The following CDRT4 variants were observed in gnomAD, a reference collection of about 807,000 sequenced individuals.
CDRT4 encodes CMT1A duplicated region transcript 4.
For missense variants in CDRT4, 167 were observed against 193.1 expected, an observed-to-expected ratio of 0.87 and a Z score of 0.80; for synonymous variants, 64 against 69.6, an observed-to-expected ratio of 0.92 and a Z score of 0.40.
intron 1 of CDRT4, among the ~76,000 whole-genome samples, chr17:15,461,800 A>C (rs1271047619): frequency 2.0e-5 from 3 of 152,228 alleles, no homozygotes; most frequent in African/African-American, 4.8e-5. Flanking sequence ...AAAAGGTATC[A>C]GTAGGTACTT....
intron 1 of CDRT4, among the ~76,000 whole-genome samples, chr17:15,461,916 C>G (rs1406246993): frequency 6.6e-6 from 1 of 152,120 alleles, no homozygotes; most frequent in African/African-American, 2.4e-5. Context: ...AGTATGTAGT[C>G]TTAAAAATTA....
intron 2 of CDRT4, among the ~76,000 whole-genome samples, chr17:15,446,873 T>C (rs540528326): frequency 6.6e-6 from 1 of 152,346 alleles, no homozygotes; most frequent in African/African-American, 2.4e-5. Context: ...TTGAGGGCAT[T>C]TTATTTTCCA....
At chr17:15,444,209 G>GCT (rs1477373201) in intron 2 of CDRT4, 3 of 891,572 alleles carry the variant, frequency 3.4e-6, no homozygotes, top group Non-Finnish European at 5.4e-6. Context: ...GAGATGTCCA[G>GCT]CTACAGAAAC....
chr17:15,437,555 C>A lies in CDRT4; in HGVS notation c.*218G>T, dbSNP rs549405492. On this transcript the variant is annotated 3_prime_UTR_variant, in exon 4 of 4. Transcript: ENST00000619038. ...GACTAGAGCCAGGGACTGCCCAAACCCACCAGAGAGCAGTGTGGGAGGGGA... is the reference window on the plus strand; with the variant it reads ...GACTAGAGCCAGGGACTGCCCAAACACACCAGAGAGCAGTGTGGGAGGGGA... 3 of 588,808 alleles carry A rather than the reference C, an allele frequency of 5.1e-6. No homozygotes were observed. Among genetic ancestry groups the A allele is most frequent in the Non-Finnish European group, 9.0e-6 (3 of 333,474 alleles). The allele number at this position is 588,808 out of a possible 1,614,324, so 36.5% of individuals were successfully genotyped here.
chr17:15,464,952 CACAG>C lies in CDRT4; in HGVS notation c.-130+2504_-130+2507del, dbSNP rs1309066183. Among the ~76,000 whole-genome samples, 2 of 151,974 alleles carry C rather than the reference CACAG, an allele frequency of 1.3e-5. No individual in the cohort carries two copies. The highest frequency in any genetic ancestry group is 2.1e-4 in the South Asian group (1 of 4,826). On this transcript the variant is annotated intron_variant, in intron 1 of 3. Transcript: ENST00000619038. The surrounding 1 kb of genome is among the most constrained non-coding windows in gnomAD (Gnocchi z 4.5). ...GGTGCAACACACACACACACCAACACACAGACACACACACCAACAGACACACCAA... is the reference window on the plus strand; with the variant it reads ...GGTGCAACACACACACACACCAACACACACACACACCAACAGACACACCAA...
chr17:15,457,761 C>T (rs1248891042), intron 1 of CDRT4, among the ~76,000 whole-genome samples: 1 of 152,196 alleles, frequency 6.6e-6, no homozygotes, highest in African/African-American at 2.4e-5. Context: ...GGGCCACAGA[C>T]AGGGAGGGCC....
chr17:15,455,214 G>T (rs1979434153), intron 1 of CDRT4, among the ~76,000 whole-genome samples: 1 of 152,208 alleles, frequency 6.6e-6, no homozygotes, highest in Middle Eastern at 3.4e-3. Flanking sequence ...GAGGGTAAAT[G>T]TAACAATTAA....
intron 2 of CDRT4, among the ~76,000 whole-genome samples, chr17:15,449,951 C>G (rs1979191079): frequency 6.6e-6 from 1 of 152,126 alleles, no homozygotes; most frequent in African/African-American, 2.4e-5. Flanking sequence ...TTTTCTTATC[C>G]AGTCAACCAT....
Position 15,438,151 on chromosome 17 carries a change from G to A in CDRT4, c.81C>T (p.Asp27=), listed in dbSNP as rs539994608. ...TATAGGTGACATAGGCCGGCCAGGG[G>A]TCATGTTTTTCAAGTAGCTTCCGGG... ...GLPRKLLEKH[D]PWPAYVTYTS... The change falls in exon 4 of 4, where the codon GAC becomes GAT. Residue 27 remains aspartate, a synonymous_variant. Transcript: ENST00000619038. 16 of 1,614,104 alleles carry A rather than the reference G, an allele frequency of 9.9e-6. No individual in the cohort carries two copies. In the South Asian group the frequency reaches 1.5e-4, roughly 16 times the overall value.
chr17:15,437,833 A>G lies in CDRT4; in HGVS notation c.399T>C (p.Tyr133=). The change falls in exon 4 of 4, where the codon TAT becomes TAC. Residue 133 remains tyrosine (Y), a synonymous_variant. Transcript: ENST00000619038. The part of the protein sequence containing the change: ...ADSRDCPTEN[Y]NKIIFARKPM... The stretch of plus-strand genomic sequence containing the variant: ...GCTTGCGGGCAAAGATGATCTTGTT[A>G]TAGTTTTCAGTTGGACAGTCTCTGG... 6.2e-7 allele frequency: 1 copy of G among 1,614,124 alleles called. No homozygotes were observed. The highest frequency in any genetic ancestry group is 1.3e-5 in the African/African-American group (1 of 75,016).
At chr17:15,454,093 C>T (rs17775172) in intron 1 of CDRT4, among the ~76,000 whole-genome samples, 16,956 of 152,168 alleles carry the variant, frequency 0.11, 1,165 homozygotes, top group Middle Eastern at 0.2. Flanking sequence ...TGAGTCACTA[C>T]GTTGAAGATC....
In CDRT4 at chr17:15,450,282, T is replaced by C. The variant is rs1267469929; in HGVS notation, c.-48+2722A>G. Reference sequence around the variant, plus strand: ...CAAGAATCCATCAAGAACTCCCTCATCTCCCACCATCACTCGTACCAACTC... The same window carrying C: ...CAAGAATCCATCAAGAACTCCCTCACCTCCCACCATCACTCGTACCAACTC... On this transcript the variant is annotated intron_variant, in intron 2 of 3. Transcript: ENST00000619038. This position sits in a 1 kb window ranked among gnomAD's most constrained non-coding sequence, Gnocchi z 4.2. 6.6e-6 allele frequency among the ~76,000 whole-genome samples: 1 copy of C among 152,152 alleles called. No homozygotes were observed. Among genetic ancestry groups the C allele is most frequent in the East Asian group, 1.9e-4 (1 of 5,194 alleles).
chr17:15,442,421 A>T (rs1030545389), intron 2 of CDRT4, among the ~76,000 whole-genome samples: 1 of 152,078 alleles, frequency 6.6e-6, no homozygotes, highest in African/African-American at 2.4e-5. Flanking sequence ...AAGAAAAAAA[A>T]AAAAAAGAAA....
In CDRT4 at chr17:15,437,534, A is replaced by G. The variant is rs749567945; in HGVS notation, c.*239T>C. The G allele has an allele frequency of 8.4e-5, 47 of 561,534 alleles. No individual in the cohort carries two copies. Among genetic ancestry groups the G allele is most frequent in the Non-Finnish European group, 1.5e-4 (46 of 317,112 alleles). The allele number at this position is 561,534 out of a possible 1,614,324, so 34.8% of individuals were successfully genotyped here. Reference sequence around the variant, plus strand: ...GTCCTGAGAATCTGCAGCAGAGACTAGAGCCAGGGACTGCCCAAACCCACC... The same window carrying G: ...GTCCTGAGAATCTGCAGCAGAGACTGGAGCCAGGGACTGCCCAAACCCACC... On this transcript the variant is annotated 3_prime_UTR_variant, in exon 4 of 4. Transcript: ENST00000619038.
chr17:15,467,413 C>T (rs1389797099), intron 1 of CDRT4, 47 bp downstream of exon 1: 4 of 152,306 alleles, frequency 2.6e-5, no homozygotes, highest in Middle Eastern at 3.4e-3. Flanking sequence ...CTTTCACCCT[C>T]GACTTCCCTC....
rs138155595 is a variant in CDRT4, at chr17:15,446,482, C to T, written c.-47-6197G>A. On this transcript the variant is annotated intron_variant, in intron 2 of 3. Coordinates refer to ENST00000619038, the MANE Select transcript of CDRT4 (RefSeq NM_001204477.2). The stretch of plus-strand genomic sequence containing the variant: ...AGTGGGGAGGGGCGAATTGGTCTTT[C>T]GGGAAAGAAGGCATCTCTCTCCCTC... Among the ~76,000 whole-genome samples, 108 of 152,048 alleles carry T rather than the reference C, an allele frequency of 7.1e-4. 1 individual carries two copies. In the East Asian group the frequency reaches 0.019, roughly 27 times the overall value.
intron 1 of CDRT4, among the ~76,000 whole-genome samples, chr17:15,466,876 T>C (rs7207031): frequency 6.6e-6 from 1 of 152,232 alleles, no homozygotes; most frequent in Non-Finnish European, 1.5e-5. Context: ...AATAAGTGAC[T>C]TGATTATTAT....
At chr17:15,440,842 T>G (rs1268975689) in intron 2 of CDRT4, among the ~76,000 whole-genome samples, 3 of 152,208 alleles carry the variant, frequency 2.0e-5, no homozygotes, top group Non-Finnish European at 2.9e-5. Flanking sequence ...GAAACCATAG[T>G]GTAGTGGTTC....
chr17:15,444,340 C>G (rs1978918453), intron 2 of CDRT4: 1 of 436,698 alleles, frequency 2.3e-6, no homozygotes, highest in African/African-American at 2.0e-5. Context: ...GGTCCCCAAA[C>G]TTTGCAGCAC....
Sources: allele counts gnomAD v4.1 joint callset (sites outside exome capture counted in the v4.1 genomes callset), GRCh38; gene constraint gnomAD v4.1.1; non-coding constraint Gnocchi (gnomAD v3.1); transcripts MANE v1.5; gene names NCBI Gene and HGNC (gene_info 2026-07-23, HGNC 2026-07-21).